The following MAP3K15 variants were observed in gnomAD, a reference collection of about 807,000 sequenced individuals.
MAP3K15 encodes the protein mitogen-activated protein kinase kinase kinase 15, also known as MAPK/ERK kinase kinase 15.
Under a neutral mutation model 99.5 loss-of-function variants are expected in MAP3K15, and 124 were observed. That is an observed-to-expected ratio of 1.25 (90% confidence interval 1.08 to 1.45). The LOEUF (loss-of-function observed/expected upper bound fraction) is 1.45. Ranked by LOEUF, MAP3K15 falls within the 40% of genes most tolerant of loss-of-function variation. The pLI is 0.00. For missense variants in MAP3K15, 1,242 were observed against 1,079.7 expected, an observed-to-expected ratio of 1.15 and a Z score of -2.11; for synonymous variants, 494 against 439.6, an observed-to-expected ratio of 1.12 and a Z score of -1.55.
In MAP3K15 at chrX:19,393,217, A is replaced by G. The variant is rs182624084; in HGVS notation, c.2195-744T>C. ...GCTGGTCTCAGATTCCCACTTACACAGTGTTATGGGACCTTGATCTACCTT... is the reference window on the plus strand; with the variant it reads ...GCTGGTCTCAGATTCCCACTTACACGGTGTTATGGGACCTTGATCTACCTT... On this transcript the variant is annotated intron_variant, in intron 16 of 28. Coordinates refer to ENST00000338883, the MANE Select transcript of MAP3K15 (RefSeq NM_001001671.4). Among the ~76,000 whole-genome samples, 589 of 111,452 alleles carry G rather than the reference A, an allele frequency of 5.3e-3. 1 individual carries two copies. The highest frequency in any genetic ancestry group is 8.9e-3 in the Non-Finnish European group (471 of 53,024).
chrX:19,450,517 GT>G lies in MAP3K15; in HGVS notation c.995+6395del. ...TCATTTGAATCAAACAAATTCACTT[GT>G]TTGTATAAGTTCAGGTGTGTGTGAG... On this transcript the variant is annotated intron_variant, in intron 6 of 28. Coordinates refer to ENST00000338883, the MANE Select transcript of MAP3K15 (RefSeq NM_001001671.4). Among the ~76,000 whole-genome samples, 5 of 110,377 alleles carry G rather than the reference GT, an allele frequency of 4.5e-5. No individual in the cohort carries two copies. The South Asian group carries it at 1.6e-3, about 35-fold the overall frequency.
At chrX:19,394,165 A>G (rs1032517579) in intron 16 of MAP3K15, among the ~76,000 whole-genome samples, 1 of 111,521 alleles carries the variant, frequency 9.0e-6, no homozygotes, top group African/African-American at 3.3e-5. Context: ...GAAGATTTCT[A>G]ACTGAAGTTT....
chrX:19,401,140 C>A (rs1033850945), intron 13 of MAP3K15, among the ~76,000 whole-genome samples: 13 of 111,178 alleles, frequency 1.2e-4, no homozygotes, highest in Non-Finnish European at 2.3e-4. Flanking sequence ...TTCCCCAGGA[C>A]GTGTGAGTTA....
intron 6 of MAP3K15, among the ~76,000 whole-genome samples, chrX:19,448,556 T>TC (rs963298167): frequency 7.1e-5 from 7 of 98,182 alleles, no homozygotes; most frequent in South Asian, 4.8e-4. Context: ...TGGAGGAAGG[T>TC]CCCCCCCTGT....
chrX:19,496,678 C>A (rs747421914), intron 1 of MAP3K15: 2 of 111,672 alleles, frequency 1.8e-5, no homozygotes, highest in South Asian at 7.5e-4. Flanking sequence ...GTAGCCCCTG[C>A]ATTTCTTAAT....
intron 18 of MAP3K15, among the ~76,000 whole-genome samples, chrX:19,384,063 T>C (rs2063477874): frequency 8.9e-6 from 1 of 111,941 alleles, no homozygotes; most frequent in African/African-American, 3.2e-5. Flanking sequence ...CAGTTCACAA[T>C]AGCCAAGATT....
chrX:19,474,162 C>T (rs1342143180), intron 3 of MAP3K15, among the ~76,000 whole-genome samples: 6 of 112,119 alleles, frequency 5.4e-5, no homozygotes, highest in African/African-American at 1.9e-4. Flanking sequence ...TGTATAAGGG[C>T]ATGCTAATTT....
chrX:19,418,981 C>A (rs1295158197), intron 9 of MAP3K15, among the ~76,000 whole-genome samples: 1 of 111,702 alleles, frequency 9.0e-6, no homozygotes, highest in Admixed American at 9.5e-5. Context: ...TACAGACAAG[C>A]AAATGCTGAG....
At chrX:19,505,691 T>C (rs2064471555) in intron 1 of MAP3K15, among the ~76,000 whole-genome samples, 1 of 110,888 alleles carries the variant, frequency 9.0e-6, no homozygotes, top group South Asian at 3.9e-4. Context: ...ACTCAAAGGA[T>C]GCTGGGAAAT....
intron 6 of MAP3K15, among the ~76,000 whole-genome samples, chrX:19,451,719 G>A (rs990134879): frequency 1.8e-5 from 2 of 109,975 alleles, no homozygotes; most frequent in Admixed American, 9.8e-5. Context: ...CACCGCTGGT[G>A]AGATGTAAAT....
At chrX:19,490,799 T>C (rs1003323322) in intron 1 of MAP3K15, among the ~76,000 whole-genome samples, 27 of 110,117 alleles carry the variant, frequency 2.5e-4, no homozygotes, top group African/African-American at 8.6e-4. Context: ...TTGCACCCTG[T>C]AATAGAGACC....
At chrX:19,505,522 T>C (rs2064470229) in intron 1 of MAP3K15, among the ~76,000 whole-genome samples, 1 of 111,065 alleles carries the variant, frequency 9.0e-6, no homozygotes, top group African/African-American at 3.3e-5. Context: ...TTCCATCAAG[T>C]GCCACCATCA....
chrX:19,445,866 G>C (rs1334377401), intron 6 of MAP3K15, among the ~76,000 whole-genome samples: 1 of 109,625 alleles, frequency 9.1e-6, no homozygotes, highest in East Asian at 2.8e-4. Flanking sequence ...AGAACTGCTC[G>C]AACCCGGGAG....
At chrX:19,424,013 A>C (rs1267505444) in intron 9 of MAP3K15, among the ~76,000 whole-genome samples, 1 of 111,043 alleles carries the variant, frequency 9.0e-6, no homozygotes, top group Admixed American at 9.7e-5. Flanking sequence ...AGCACTATTC[A>C]CATGACTCCA....
rs1053787900 is a variant in MAP3K15, at chrX:19,456,839, T to G, written c.995+74A>C. 3.9e-6 allele frequency: 3 copies of G among 763,355 alleles called. No homozygotes were observed. In the African/African-American group the frequency reaches 6.2e-5, roughly 16 times the overall value. The allele number at this position is 763,355 out of a possible 1,213,427, so 62.9% of individuals were successfully genotyped here. ...AGCACGTGACCTGGCTCATACCCGA[T>G]GTTGAATGAAAGAAGGAAGCACAAT... On this transcript the variant is annotated intron_variant, in intron 6 of 28. Transcript: ENST00000338883.
At chrX:19,511,598 C>A (rs1322108107) in intron 1 of MAP3K15, among the ~76,000 whole-genome samples, 15 of 111,629 alleles carry the variant, frequency 1.3e-4, no homozygotes, top group African/African-American at 4.9e-4. Flanking sequence ...TAGAGAAATG[C>A]AAATCAAAAT....
chrX:19,511,012 G>A (rs748339256), intron 1 of MAP3K15, among the ~76,000 whole-genome samples: 51 of 111,099 alleles, frequency 4.6e-4, no homozygotes, highest in Admixed American at 3.0e-3. Context: ...CAGAAATAAC[G>A]CCACACATCT....
intron 18 of MAP3K15, among the ~76,000 whole-genome samples, chrX:19,390,566 G>A (rs10284028): frequency 0.1 from 10,827 of 104,221 alleles, 1,028 homozygotes; most frequent in African/African-American, 0.29. Flanking sequence ...AATATAATAT[G>A]TAATAATAAT....
At chrX:19,419,907 A>G (rs1476013044) in intron 9 of MAP3K15, among the ~76,000 whole-genome samples, 4 of 112,123 alleles carry the variant, frequency 3.6e-5, no homozygotes, top group Non-Finnish European at 5.6e-5. Flanking sequence ...GCTCAACTAC[A>G]TGGAAACTGA....
Sources: gnomAD v4.1 joint callset for allele counts (sites outside exome capture counted in the v4.1 genomes callset) on GRCh38, gnomAD v4.1.1 for gene constraint, MANE v1.5 for transcripts, NCBI Gene and HGNC (gene_info 2026-07-23, HGNC 2026-07-21) for gene names.